BNC2: variants seen among roughly 807,000 people sequenced by gnomAD.
BNC2 encodes zinc finger protein basonuclin-2.
A neutral mutation model predicts 76.3 loss-of-function variants in BNC2; 20 were observed. The observed-to-expected ratio is 0.26, with a 90% CI of 0.18 to 0.38. The LOEUF is 0.38. BNC2 is among the 10% of genes least tolerant of loss of function. BNC2 has a pLI of 1.00. For missense variants in BNC2, 1,382 were observed against 1,399.8 expected (o/e 0.99, Z 0.20); for synonymous variants, 582 against 514.8 (o/e 1.13, Z -1.77).
chr9:16,533,394 T>C (rs903815937), intron 5 of BNC2, among the ~76,000 whole-genome samples: 7 of 152,166 alleles, frequency 4.6e-5, no homozygotes, highest in African/African-American at 1.7e-4. Flanking sequence ...CTGTGTGTTG[T>C]TGAAAACTGT....
chr9:16,857,128 T>C (rs1183455288), intron 1 of BNC2, among the ~76,000 whole-genome samples: 3 of 152,174 alleles, frequency 2.0e-5, no homozygotes, highest in African/African-American at 4.8e-5. Flanking sequence ...GATAAATGTA[T>C]ATGTAACCAA....
intron 5 of BNC2, among the ~76,000 whole-genome samples, chr9:16,456,874 A>G (rs1215333173): frequency 6.6e-6 from 1 of 152,208 alleles, no homozygotes; most frequent in Non-Finnish European, 1.5e-5. Context: ...TTTTTATTTT[A>G]ATTTGTTAAC....
At chr9:16,636,850 C>A (rs543827696) in intron 3 of BNC2, among the ~76,000 whole-genome samples, 173 of 152,148 alleles carry the variant, frequency 1.1e-3, no homozygotes, top group Non-Finnish European at 1.9e-3. Flanking sequence ...ATTTATTTAA[C>A]CAATAAACTA....
At chr9:16,544,828 A>G (rs1208303429) in intron 5 of BNC2, among the ~76,000 whole-genome samples, 1 of 152,040 alleles carries the variant, frequency 6.6e-6, no homozygotes, top group Non-Finnish European at 1.5e-5. Context: ...AAAAAAAAGA[A>G]TAAACCATTA....
chr9:16,692,944 A>C (rs990394358), intron 3 of BNC2, among the ~76,000 whole-genome samples: 41 of 152,158 alleles, frequency 2.7e-4, no homozygotes, highest in African/African-American at 7.7e-4. Context: ...AGCCTGGCCG[A>C]CATGGAGAAA....
chr9:16,839,364 C>A (rs1818775657), intron 1 of BNC2, among the ~76,000 whole-genome samples: 1 of 152,182 alleles, frequency 6.6e-6, no homozygotes, highest in African/African-American at 2.4e-5. Flanking sequence ...CGCCATCACC[C>A]ATTTTGTACC....
chr9:16,799,742 C>A (rs1028871708), intron 1 of BNC2, among the ~76,000 whole-genome samples: 1 of 152,022 alleles, frequency 6.6e-6, no homozygotes, highest in Non-Finnish European at 1.5e-5. Context: ...AGGTAATCAC[C>A]CAAGTCCTTC....
At chr9:16,512,481 C>CGG (rs1563817885) in intron 5 of BNC2, among the ~76,000 whole-genome samples, 23 of 140,094 alleles carry the variant, frequency 1.6e-4, no homozygotes, top group Admixed American at 2.1e-4. Context: ...AGGTAACACA[C>CGG]GCGCACACAC....
chr9:16,725,217 T>TCACTCACACACA (rs929934068), intron 3 of BNC2, among the ~76,000 whole-genome samples: 69 of 148,160 alleles, frequency 4.7e-4, no homozygotes, highest in African/African-American at 9.7e-4. Context: ...TCTCTCTCTC[T>TCACTCACACACA]CACACACACA....
At chr9:16,470,459 G>T (rs1327330116) in intron 5 of BNC2, among the ~76,000 whole-genome samples, 1 of 152,198 alleles carries the variant, frequency 6.6e-6, no homozygotes, top group Non-Finnish European at 1.5e-5. Context: ...AAGAACATGG[G>T]GAAAATGTCT....
intron 1 of BNC2, among the ~76,000 whole-genome samples, chr9:16,799,160 A>G (rs1817725596): frequency 1.3e-5 from 2 of 152,188 alleles, no homozygotes; most frequent in Non-Finnish European, 2.9e-5. Context: ...CTCTAGCTGT[A>G]GAAAATATAA....
At chr9:16,586,328 T>C (rs550089077) in intron 3 of BNC2, among the ~76,000 whole-genome samples, 55 of 152,254 alleles carry the variant, frequency 3.6e-4, no homozygotes, top group African/African-American at 1.2e-3. Context: ...CTGCTTACCT[T>C]TACCATTGAC....
At chr9:16,574,780 G>A (rs1192658432) in intron 4 of BNC2, among the ~76,000 whole-genome samples, 1 of 151,982 alleles carries the variant, frequency 6.6e-6, no homozygotes, top group East Asian at 1.9e-4. Flanking sequence ...CAGAATATTG[G>A]GCTAACCCTA....
intron 3 of BNC2, among the ~76,000 whole-genome samples, chr9:16,666,816 T>C (rs1316551211): frequency 6.6e-6 from 1 of 152,228 alleles, no homozygotes; most frequent in Admixed American, 6.5e-5. Context: ...AAATTTTTCA[T>C]GTTTTGAGGA....
rs1331637956 is a variant in BNC2, at chr9:16,435,686, A to G, written c.2508T>C (p.Tyr836=). ...AGCTTTTGAAACTCTTCTTGCACAC[A>G]TAACAGATTTTGGGGTCTGGGCTAG... The part of the protein sequence containing the change: ...LCSSPDPKIC[Y]VCKKSFKSSY... The change falls in exon 6 of 7, where the codon TAT becomes TAC. Residue 836 remains tyrosine (Y), a synonymous_variant. Coordinates refer to ENST00000380672, the MANE Select transcript of BNC2 (RefSeq NM_017637.6). 2 of 1,614,102 alleles carry G rather than the reference A, an allele frequency of 1.2e-6. No homozygotes were observed. The highest frequency in any genetic ancestry group is 1.1e-5 in the South Asian group (1 of 91,074).
intron 3 of BNC2, among the ~76,000 whole-genome samples, chr9:16,675,500 T>C (rs1252132684): frequency 2.0e-5 from 3 of 152,190 alleles, no homozygotes; most frequent in East Asian, 1.9e-4. Flanking sequence ...GCTCAAGTGA[T>C]AGGCCCACCT....
intron 3 of BNC2, among the ~76,000 whole-genome samples, chr9:16,627,437 A>G (rs956163296): frequency 1.3e-5 from 2 of 152,214 alleles, no homozygotes; most frequent in Non-Finnish European, 2.9e-5. Flanking sequence ...GTGCAGTTGT[A>G]AAATATTCAC....
Position 16,861,181 on chromosome 9 carries a change from A to AATATATATATATATAT in BNC2, c.3+9449_3+9464dup, listed in dbSNP as rs71327866. Among the ~76,000 whole-genome samples, 652 of 131,704 alleles carry AATATATATATATATAT rather than the reference A, an allele frequency of 5.0e-3. 21 individuals carry two copies. Among genetic ancestry groups the AATATATATATATATAT allele is most frequent in the African/African-American group, 0.016 (519 of 32,078 alleles). The allele number at this position is 131,704 out of a possible 152,430, so 86.4% of individuals were successfully genotyped here. A position where few individuals can be genotyped will look rare whatever the true frequency, so the allele number is the denominator to read the frequency against. On this transcript the variant is annotated intron_variant, in intron 1 of 6. Coordinates refer to ENST00000380672, the MANE Select transcript of BNC2 (RefSeq NM_017637.6). Reference sequence around the variant, plus strand: ...ACATGGTAATACCCTATCTCTACAAAATATATATATATATATATATAAATT... The same window carrying AATATATATATATATAT: ...ACATGGTAATACCCTATCTCTACAAAATATATATATATATATATATATATATATATATATATAAATT...
chr9:16,475,095 T>C (rs1266622205), intron 5 of BNC2, among the ~76,000 whole-genome samples: 2 of 152,170 alleles, frequency 1.3e-5, no homozygotes, highest in Admixed American at 1.3e-4. Flanking sequence ...CTTTACACCA[T>C]GGTGAACTCC....
Sources: allele counts gnomAD v4.1 joint callset (sites outside exome capture counted in the v4.1 genomes callset), GRCh38; gene constraint gnomAD v4.1.1; transcripts MANE v1.5; gene names NCBI Gene and HGNC (gene_info 2026-07-23, HGNC 2026-07-21).